MRTFA: variants seen among roughly 807,000 people sequenced by gnomAD.
The protein encoded by MRTFA is myocardin related transcription factor A.
MRTFA carries 20 observed loss-of-function variants against 83.5 expected under a neutral mutation model. The observed-to-expected ratio is 0.24, with a 90% CI of 0.17 to 0.35. The LOEUF is 0.35. MRTFA is among the 10% of genes least tolerant of loss of function. MRTFA has a pLI of 1.00. For missense variants in MRTFA, 1,200 were observed against 1,224.7 expected (o/e 0.98, Z 0.30); for synonymous variants, 659 against 541.2 (o/e 1.22, Z -3.02).
At chr22:40,415,633 C>T (rs942357584) in intron 14 of MRTFA, among the ~76,000 whole-genome samples, 17 of 152,076 alleles carry the variant, frequency 1.1e-4, no homozygotes, top group African/African-American at 3.6e-4. Context: ...AGGACCATCT[C>T]GGGGTCATCT....
At chr22:40,456,709 T>A (rs2147139180) in intron 4 of MRTFA, among the ~76,000 whole-genome samples, 1 of 152,254 alleles carries the variant, frequency 6.6e-6, no homozygotes, top group Non-Finnish European at 1.5e-5. Flanking sequence ...AAACAAATTT[T>A]AAAAAGTTTT....
intron 3 of MRTFA, among the ~76,000 whole-genome samples, chr22:40,503,511 TATA>T (rs2054531420): frequency 6.6e-6 from 1 of 152,206 alleles, no homozygotes. Flanking sequence ...GTGCCCAGCC[TATA>T]ATGTTATTTT....
At chr22:40,555,783 C>T (rs2055513616) in intron 2 of MRTFA, among the ~76,000 whole-genome samples, 2 of 151,532 alleles carry the variant, frequency 1.3e-5, no homozygotes, top group Admixed American at 1.3e-4. Context: ...ACTACAGGCG[C>T]CCACCACCAT....
At chr22:40,418,159 G>A (rs757060350) in intron 12 of MRTFA, among the ~76,000 whole-genome samples, 36 of 152,232 alleles carry the variant, frequency 2.4e-4, no homozygotes, top group Non-Finnish European at 2.6e-4. Context: ...AGCCAGAGAG[G>A]TGGGGAGCTC....
In MRTFA at chr22:40,460,616, T is replaced by C. The variant is rs1051138320; in HGVS notation, c.307+2605A>G. 2.6e-5 allele frequency among the ~76,000 whole-genome samples: 4 copies of C among 152,336 alleles called. No homozygotes were observed. In the Middle Eastern group the frequency reaches 0.014, roughly 518 times the overall value. ...CACAAAGTAGACACTAAGTATATGA[T>C]GTCCTTGGTGAAAGGGACAAGTAGA... On this transcript the variant is annotated intron_variant, in intron 4 of 14. Coordinates refer to ENST00000355630, the MANE Select transcript of MRTFA (RefSeq NM_020831.6).
At chr22:40,515,840 C>T (rs2054748860) in intron 3 of MRTFA, among the ~76,000 whole-genome samples, 1 of 152,166 alleles carries the variant, frequency 6.6e-6, no homozygotes, top group South Asian at 2.1e-4. Context: ...AATCCCTGTG[C>T]AGATGGCGAC....
intron 4 of MRTFA, among the ~76,000 whole-genome samples, chr22:40,457,134 G>A (rs920048042): frequency 3.9e-5 from 6 of 152,158 alleles, no homozygotes; most frequent in South Asian, 2.1e-4. Flanking sequence ...GGAGGCTGAG[G>A]TGGGCAGATC....
At chr22:40,610,947 T>TTTTA (rs2056380416) in intron 1 of MRTFA, among the ~76,000 whole-genome samples, 4 of 146,364 alleles carry the variant, frequency 2.7e-5, no homozygotes, top group African/African-American at 1.0e-4. Context: ...TTTTTTTTTT[T>TTTTA]TTTTTTTTGA....
At chr22:40,634,564 C>A (rs948277388) in intron 1 of MRTFA, among the ~76,000 whole-genome samples, 2 of 152,160 alleles carry the variant, frequency 1.3e-5, no homozygotes, top group African/African-American at 4.8e-5. Context: ...CAGCGCGTTA[C>A]AATCATCTGT....
chr22:40,598,628 C>T lies in MRTFA; in HGVS notation c.-83-3893G>A, dbSNP rs138080854. Among the ~76,000 whole-genome samples the T allele has an allele frequency of 4.9e-3, 745 of 152,118 alleles. 5 individuals carry two copies. The highest frequency in any genetic ancestry group is 0.017 in the African/African-American group (697 of 41,486). On this transcript the variant is annotated intron_variant, in intron 1 of 14. Transcript: ENST00000355630. ...AACAGAAAAGTTTAAATATCCATTC[C>T]CTAACTGGGAAGATTTTAAAAATTA... is the stretch of plus-strand genomic sequence containing the variant.
At position 40,418,691 on chromosome 22, in the gene MRTFA, T is replaced by C; in HGVS notation, c.2047A>G (p.Ser683Gly). The C allele has an allele frequency of 8.3e-7, 1 of 1,210,962 alleles. No individual in the cohort carries two copies. Among genetic ancestry groups the C allele is most frequent in the Non-Finnish European group, 1.0e-6 (1 of 965,836 alleles). 75.0% of individuals were successfully genotyped at this position (1,210,962 alleles called of 1,614,324 possible). A position where few individuals can be genotyped will look rare whatever the true frequency, so the allele number is the denominator to read the frequency against. The change falls in exon 12 of 15, where the codon AGC (serine) becomes GGC (glycine). Residue 683 changes from serine to glycine, a missense_variant. Around this residue, in one of 2 missense-constraint regions of MRTFA, gnomAD observed 1,107 missense variants for 1,041.8 expected, o/e 1.06. Transcript: ENST00000355630. The stretch of plus-strand genomic sequence containing the variant: ...AGGGGCTGCTGGCTCAGCTGGCAGC[T>C]GGAGAAGCTGTTCTCCTGCTTCACG...
At chr22:40,450,929 G>A (rs538844468) in intron 4 of MRTFA, among the ~76,000 whole-genome samples, 7 of 152,194 alleles carry the variant, frequency 4.6e-5, no homozygotes, top group African/African-American at 9.7e-5. Flanking sequence ...TTCAGTGCCC[G>A]TGTAACCTAC....
At position 40,552,090 on chromosome 22, in the gene MRTFA, T is replaced by C. The variant is rs1281209612; in HGVS notation, c.241+16A>G. 8 of 398,238 alleles carry C rather than the reference T, an allele frequency of 2.0e-5. No homozygotes were observed. Among genetic ancestry groups the C allele is most frequent in the Non-Finnish European group, 3.5e-5 (8 of 225,862 alleles). 24.7% of individuals were successfully genotyped at this position (398,238 alleles called of 1,614,324 possible). ...TGGTTCAAATCAGGGAATGCAATAA[T>C]TCTGTATCTACTCACCATTCTTCCG... On this transcript the variant is annotated intron_variant, in intron 3 of 14. Transcript: ENST00000355630.
At chr22:40,576,028 C>CTTTTTT (rs918851256) in intron 2 of MRTFA, among the ~76,000 whole-genome samples, 1 of 131,410 alleles carries the variant, frequency 7.6e-6, no homozygotes, top group Non-Finnish European at 1.6e-5. Flanking sequence ...ATGTAAATTT[C>CTTTTTT]TTTTTTTTTT....
rs796103400 is a variant in MRTFA at position 40,459,862 on chromosome 22, T to TATATATAC, written c.307+3358_307+3359insGTATATAT. On this transcript the variant is annotated intron_variant, in intron 4 of 14. Coordinates refer to ENST00000355630, the MANE Select transcript of MRTFA (RefSeq NM_020831.6). The stretch of plus-strand genomic sequence containing the variant: ...ATATATATATATATATATATATATA[T>TATATATAC]ACACACATGAATGATACTTTCTCAA... Among the ~76,000 whole-genome samples, 197 of 121,462 alleles carry TATATATAC rather than the reference T, an allele frequency of 1.6e-3. 1 individual carries two copies. The highest frequency in any genetic ancestry group is 8.9e-3 in the South Asian group (33 of 3,704). The allele number at this position is 121,462 out of a possible 152,430, so 79.7% of individuals were successfully genotyped here. A position where few individuals can be genotyped will look rare whatever the true frequency, so the allele number is the denominator to read the frequency against.
Position 40,417,407 on chromosome 22 carries a change from G to C in MRTFA, c.2451C>G (p.Pro817=). 4 of 1,611,126 alleles carry C rather than the reference G, an allele frequency of 2.5e-6. No homozygotes were observed. The highest frequency in any genetic ancestry group is 3.4e-6 in the Non-Finnish European group (4 of 1,179,578). The change falls in exon 13 of 15, where the codon CCC becomes CCG. Residue 817 remains proline (P), a synonymous_variant. Transcript: ENST00000355630. Reference sequence around the variant, plus strand: ...GTGGTTCCTTCTTCAGCAGAGAAGTGGGGGTCCCAAAGAGGGGCTGCAGTG... The same window carrying C: ...GTGGTTCCTTCTTCAGCAGAGAAGTCGGGGTCCCAAAGAGGGGCTGCAGTG...
intron 5 of MRTFA, among the ~76,000 whole-genome samples, chr22:40,434,130 T>C (rs1441132209): frequency 6.6e-6 from 1 of 152,154 alleles, no homozygotes; most frequent in Admixed American, 6.5e-5. Context: ...TAAAACAGTC[T>C]CTTCTAATCA....
At chr22:40,469,718 TA>T (rs1265070934) in intron 3 of MRTFA, among the ~76,000 whole-genome samples, 1 of 151,894 alleles carries the variant, frequency 6.6e-6, no homozygotes, top group Non-Finnish European at 1.5e-5. Context: ...TACCAAGCAA[TA>T]AAACAAATTT....
intron 1 of MRTFA, among the ~76,000 whole-genome samples, chr22:40,608,817 G>C (rs1010845937): frequency 2.0e-5 from 3 of 152,062 alleles, no homozygotes; most frequent in African/African-American, 7.2e-5. Flanking sequence ...TTTTTTGTTG[G>C]CAGGGGGAAC....
Sources: allele counts gnomAD v4.1 joint callset (sites outside exome capture counted in the v4.1 genomes callset), GRCh38; gene constraint gnomAD v4.1.1; regional missense constraint gnomAD v4.1.1; transcripts MANE v1.5; gene names NCBI Gene and HGNC (gene_info 2026-07-23, HGNC 2026-07-21).